The following RTEL1 variants were observed in gnomAD, a reference collection of about 807,000 sequenced individuals.
RTEL1 encodes the protein regulator of telomere length.
RTEL1 carries 86 observed loss-of-function variants against 162.2 expected under a neutral mutation model. The observed-to-expected ratio is 0.53, with a 90% CI of 0.45 to 0.63. The LOEUF (loss-of-function observed/expected upper bound fraction) is 0.63. Among genes scored for constraint, RTEL1 ranks in the 30% least tolerant of loss-of-function variants. RTEL1 has a pLI of 0.00. For synonymous variants in RTEL1, 958 were observed against 717.9 expected (o/e 1.33, Z -5.35); for missense variants, 1,941 against 1,750.2 (o/e 1.11, Z -1.95).
chr20:63,662,410 C>T lies in RTEL1; in HGVS notation c.396-136C>T, dbSNP rs752422022. 3.2e-5 allele frequency: 50 copies of T among 1,543,642 alleles called. 1 individual carries two copies. The highest frequency in any genetic ancestry group is 6.0e-5 in the South Asian group (5 of 84,008). ...TCGTCTTCTAGCTCCCTCCTACGCC[C>T]GGGCCACGTTTCAGTTATGCTCACT... On this transcript the variant is annotated intron_variant, in intron 4 of 34. Coordinates refer to ENST00000360203, the MANE Select transcript of RTEL1 (RefSeq NM_001283009.2).
At position 63,690,102 on chromosome 20, in the gene RTEL1, C is replaced by T. The variant is rs752607917; in HGVS notation, c.2157C>T (p.Asp719=). 1.8e-5 allele frequency: 29 copies of T among 1,611,642 alleles called. No homozygotes were observed. The highest frequency in any genetic ancestry group is 1.7e-4 in the African/African-American group (13 of 74,914). Residue 719 remains aspartate (D), a synonymous_variant, in exon 25 of 35, where the codon GAC becomes GAT. Transcript: ENST00000360203. ...CACCCCCCAGGTTCGCCTTTGCCGA[C>T]GCAAGAGCCCAACTGCCCTCCTGGG... The part of the protein sequence containing the change: ...FLCDHRFAFA[D]ARAQLPSWVR...
intron 16 of RTEL1, chr20:63,686,677 G>A (rs1333580269): frequency 6.6e-6 from 1 of 152,622 alleles, no homozygotes; most frequent in Non-Finnish European, 1.5e-5. Context: ...CGAGCCGGAA[G>A]GGAAGGGCTG....
chr20:63,690,492 G>T (rs933974391), intron 26 of RTEL1, 51 bp downstream of exon 26: 2 of 1,376,294 alleles, frequency 1.5e-6, no homozygotes, highest in Non-Finnish European at 2.0e-6. Flanking sequence ...GGAGCGGGCG[G>T]CGTGGGGCGG....
intron 7 of RTEL1, among the ~76,000 whole-genome samples, chr20:63,666,903 G>A (rs955358419): frequency 6.9e-6 from 1 of 145,142 alleles, no homozygotes; most frequent in Non-Finnish European, 1.5e-5. Context: ...GCAGTGGTGC[G>A]ATCTCGGCTC....
At chr20:63,669,217 T>C (rs1240712321) in intron 8 of RTEL1, among the ~76,000 whole-genome samples, 1 of 152,178 alleles carries the variant, frequency 6.6e-6, no homozygotes, top group East Asian at 1.9e-4. Flanking sequence ...TTTCTGGTTT[T>C]CTGAAAAAAT....
chr20:63,689,445 G>C, intron 22 of RTEL1, 57 bp from the exon 23 acceptor site: 2 of 1,468,182 alleles, frequency 1.4e-6, no homozygotes, highest in Non-Finnish European at 1.8e-6. Flanking sequence ...GGCTGGGTGT[G>C]GGCACCAGGG....
At position 63,668,333 on chromosome 20, in the gene RTEL1, G is replaced by A. The variant is rs2090182318; in HGVS notation, c.699+780G>A. 6.6e-6 allele frequency among the ~76,000 whole-genome samples: 1 copy of A among 152,218 alleles called. No individual in the cohort carries two copies. Among genetic ancestry groups the A allele is most frequent in the Non-Finnish European group, 1.5e-5 (1 of 68,040 alleles). On this transcript the variant is annotated intron_variant, in intron 8 of 34. Transcript: ENST00000360203. This position sits in a 1 kb window ranked among gnomAD's most constrained non-coding sequence, Gnocchi z 4.3. Reference sequence around the variant, plus strand: ...TCGTTGGTTCGCTCATTCTCGGGGTGTATATTTATTGAGAGCTCATCATGC... The same window carrying A: ...TCGTTGGTTCGCTCATTCTCGGGGTATATATTTATTGAGAGCTCATCATGC...
At chr20:63,682,658 G>C (rs1465373650) in intron 14 of RTEL1, 1 of 985,696 alleles carries the variant, frequency 1.0e-6, no homozygotes, top group Non-Finnish European at 1.2e-6. Flanking sequence ...AGCCCCTGCA[G>C]GTGTGGGCGG....
intron 30 of RTEL1, among the ~76,000 whole-genome samples, chr20:63,693,499 C>T (rs866228045): frequency 1.0e-4 from 6 of 57,922 alleles, no homozygotes; most frequent in Non-Finnish European, 2.0e-4. Context: ...ACCTCCACCT[C>T]CACCACCACC....
intron 30 of RTEL1, among the ~76,000 whole-genome samples, chr20:63,694,132 C>T (rs2090902145): frequency 6.6e-6 from 1 of 152,162 alleles, no homozygotes; most frequent in Non-Finnish European, 1.5e-5. Flanking sequence ...TGCCTGCACC[C>T]AGCCTACGGC....
chr20:63,695,078 T>C lies in RTEL1; in HGVS notation c.3356T>C (p.Phe1119Ser). The C allele has an allele frequency of 6.2e-7, 1 of 1,612,278 alleles. No homozygotes were observed. The highest frequency in any genetic ancestry group is 8.5e-7 in the Non-Finnish European group (1 of 1,179,808). The part of the protein sequence containing the change: ...DFPLLHRFSM[F>S]VRPHHKQRFS... The stretch of plus-strand genomic sequence containing the variant: ...AAGCTCCCCGCAGGGTTCAGCATGT[T>C]TGTGCGTCCACACCACAAGCAGCGC... The change falls in exon 33 of 35, where the codon TTT becomes TCT. Residue 1119 changes from phenylalanine (F) to serine (S), a missense_variant. By Grantham distance (155) the Phe-to-Ser change is radical. Transcript: ENST00000360203.
Position 63,688,011 on chromosome 20 carries a change from G to A in RTEL1, c.1556G>A (p.Gly519Asp). The A allele has an allele frequency of 6.2e-7, 1 of 1,612,822 alleles. No individual in the cohort carries two copies. The highest frequency in any genetic ancestry group is 8.5e-7 in the Non-Finnish European group (1 of 1,180,000). Residue 519 changes from glycine to aspartate, a missense_variant, in exon 18 of 35, where the codon GGC (glycine) becomes GAC (aspartate). Physicochemically the swap from Gly to Asp is moderately conservative, Grantham distance 94. Transcript: ENST00000360203. Reference protein sequence around the residue: ...HQIWVGVVPRGPDGAQLSSAF... With the variant: ...HQIWVGVVPRDPDGAQLSSAF... ...ATCTGGGTGGGGGTCGTCCCCAGAGGCCCCGATGGAGCCCAGTTGAGCTCC... is the reference window on the plus strand; with the variant it reads ...ATCTGGGTGGGGGTCGTCCCCAGAGACCCCGATGGAGCCCAGTTGAGCTCC...
chr20:63,693,278 C>T lies in RTEL1; in HGVS notation c.2987C>T (p.Pro996Leu), dbSNP rs373210484. ...RRQRAQPVLD[P>L]TGRTAPDPKL... ...CAGCGGGCACAGCCGGTCCTGGACC[C>T]CACTGGTAAATGGGGCCCCAGGTGG... is the stretch of plus-strand genomic sequence containing the variant. Residue 996 changes from proline to leucine, a missense_variant, in exon 30 of 35, where the codon CCC (proline) becomes CTC (leucine). By Grantham distance (98) the Pro-to-Leu change is moderately conservative. Coordinates refer to ENST00000360203, the MANE Select transcript of RTEL1 (RefSeq NM_001283009.2). 4 of 1,611,674 alleles carry T rather than the reference C, an allele frequency of 2.5e-6. No individual in the cohort carries two copies. The highest frequency in any genetic ancestry group is 1.1e-5 in the South Asian group (1 of 91,084).
intron 20 of RTEL1, 66 bp downstream of exon 20, chr20:63,688,452 G>T (rs1223236236): frequency 1.2e-6 from 2 of 1,603,888 alleles, no homozygotes; most frequent in Non-Finnish European, 1.7e-6. Flanking sequence ...GCAGGCAGTG[G>T]TCACAGCTCC....
Position 63,659,500 on chromosome 20 carries a change from A to G in RTEL1, c.98A>G (p.Gln33Arg). The G allele has an allele frequency of 1.2e-6, 2 of 1,612,180 alleles. No individual in the cohort carries two copies. Among genetic ancestry groups the G allele is most frequent in the Non-Finnish European group, 1.7e-6 (2 of 1,178,178 alleles). ...ATGACCAAGGTCCTGGAATGTCTGCAGCAGGTAGAGCACAGGCCCCGAGGA... is the reference window on the plus strand; with the variant it reads ...ATGACCAAGGTCCTGGAATGTCTGCGGCAGGTAGAGCACAGGCCCCGAGGA... ...EYMTKVLECL[Q>R]QKVNGILESP... is the part of the protein sequence containing the mutation. Residue 33 changes from glutamine to arginine, a missense_variant, in exon 2 of 35, where the codon CAG (glutamine) becomes CGG (arginine). Coordinates refer to ENST00000360203, the MANE Select transcript of RTEL1 (RefSeq NM_001283009.2).
chr20:63,690,472 TG>T, intron 26 of RTEL1, 31 bp downstream of exon 26: 2 of 522,128 alleles, frequency 3.8e-6, no homozygotes, highest in South Asian at 2.7e-5. Flanking sequence ...GTGGGCGGTG[TG>T]GGGGTGGCGG....
At chr20:63,686,172 C>G in intron 16 of RTEL1, 1 of 483,696 alleles carries the variant, frequency 2.1e-6, no homozygotes, top group South Asian at 2.1e-5. Flanking sequence ...ATGCCGAGGC[C>G]GTCAGCACAG....
At position 63,693,274 on chromosome 20, in the gene RTEL1, G is replaced by A. The variant is rs202020298; in HGVS notation, c.2983G>A (p.Asp995Asn). 14 of 1,611,578 alleles carry A rather than the reference G, an allele frequency of 8.7e-6. No homozygotes were observed. Among genetic ancestry groups the A allele is most frequent in the Admixed American group, 1.7e-5 (1 of 59,932 alleles). Residue 995 changes from aspartate to asparagine, a missense_variant, in exon 30 of 35, where the codon GAC becomes AAC. By Grantham distance (23) the Asp-to-Asn change is conservative. Coordinates refer to ENST00000360203, the MANE Select transcript of RTEL1 (RefSeq NM_001283009.2). ...AAGGCAGCGGGCACAGCCGGTCCTG[G>A]ACCCCACTGGTAAATGGGGCCCCAG... is the stretch of plus-strand genomic sequence containing the variant. ...PRRQRAQPVL[D>N]PTGRTAPDPK...
In RTEL1 at chr20:63,667,528, C is replaced by T. The variant is rs772748212; in HGVS notation, c.674C>T (p.Pro225Leu). Residue 225 changes from proline (P) to leucine (L), a missense_variant, in exon 8 of 35, where the codon CCG (proline) becomes CTG (leucine). Transcript: ENST00000360203. ...LKQQADIIFM[P>L]YNYLLDAKSR... The stretch of plus-strand genomic sequence containing the variant: ...CAGCAAGCCGACATCATATTCATGC[C>T]GTACAATTACTTGTTGGATGCCAAG... The T allele has an allele frequency of 9.3e-6, 15 of 1,613,844 alleles. No individual in the cohort carries two copies. The highest frequency in any genetic ancestry group is 3.3e-5 in the Admixed American group (2 of 59,990).
Sources: gnomAD v4.1 joint callset for allele counts (sites outside exome capture counted in the v4.1 genomes callset) on GRCh38, gnomAD v4.1.1 for gene constraint, Gnocchi (gnomAD v3.1) non-coding constraint, MANE v1.5 for transcripts, NCBI Gene and HGNC (gene_info 2026-07-23, HGNC 2026-07-21) for gene names.